NWD2: variants seen among roughly 807,000 people sequenced by gnomAD.
The protein encoded by NWD2 is NACHT and WD repeat domain-containing protein 2.
In NWD2, 37 loss-of-function variants were observed where a neutral mutation model predicts 132.7. The ratio of observed to expected loss-of-function variants is 0.28; its 90% CI spans 0.21 to 0.37. NWD2 has a LOEUF of 0.37. Among genes scored for constraint, NWD2 ranks in the 10% least tolerant of loss-of-function variants. NWD2 has a pLI of 1.00. For missense variants in NWD2, 1,592 were observed against 2,122.4 expected (o/e 0.75, Z 4.91); for synonymous variants, 705 against 803.0 (o/e 0.88, Z 2.06).
chr4:37,403,070 A>T (rs977213015), intron 3 of NWD2, among the ~76,000 whole-genome samples: 5 of 152,122 alleles, frequency 3.3e-5, no homozygotes, highest in Non-Finnish European at 7.4e-5. Flanking sequence ...AAAGTCTACT[A>T]GAAGAAAAGG....
At chr4:37,249,681 G>A (rs533842338) in intron 1 of NWD2, among the ~76,000 whole-genome samples, 36 of 152,288 alleles carry the variant, frequency 2.4e-4, no homozygotes, top group South Asian at 1.4e-3. Context: ...AAAGATATCT[G>A]AAGTGGAGAA....
rs184637059 is a variant in NWD2, at chr4:37,438,251, A to G, written c.707-550A>G. On this transcript the variant is annotated intron_variant, in intron 5 of 6. Coordinates refer to ENST00000309447, the MANE Select transcript of NWD2 (RefSeq NM_001144990.2). ...ACTCCAGCCTGGGCGACAGAGCGAG[A>G]CTCCGTCTAAACAAAAAAAAAAAAA... Among the ~76,000 whole-genome samples, 631 of 148,918 alleles carry G rather than the reference A, an allele frequency of 4.2e-3. 6 individuals carry two copies. The highest frequency in any genetic ancestry group is 0.015 in the African/African-American group (595 of 40,516).
chr4:37,247,314 AGAAAGCAAATGCCT>A (rs1036929217), intron 1 of NWD2, among the ~76,000 whole-genome samples: 6 of 152,234 alleles, frequency 3.9e-5, no homozygotes, highest in Non-Finnish European at 8.8e-5. Context: ...GATGCAATTT[AGAAAGCAAATGCCT>A]GTGTTTTGGT....
chr4:37,446,425 C>A lies in NWD2; in HGVS notation c.4437C>A (p.Thr1479=), dbSNP rs1225217110. ...AGAAATTTTGCTGTGAAGATGGGAC[C>A]ACCATCGTGAATTTTAAATTAATCC... is the stretch of plus-strand genomic sequence containing the variant. ...ITKKFCCEDG[T]TIVNFKLIPD... Residue 1479 remains threonine (T), a synonymous_variant, in exon 7 of 7, where the codon ACC becomes ACA. Coordinates refer to ENST00000309447, the MANE Select transcript of NWD2 (RefSeq NM_001144990.2). The surrounding 1 kb of genome is among the most constrained non-coding windows in gnomAD (Gnocchi z 6.7). 1 of 1,551,748 alleles carries A rather than the reference C, an allele frequency of 6.4e-7. No homozygotes were observed. Among genetic ancestry groups the A allele is most frequent in the Admixed American group, 2.0e-5 (1 of 51,002 alleles).
chr4:37,371,930 T>G (rs573375771), intron 3 of NWD2, among the ~76,000 whole-genome samples: 3 of 152,240 alleles, frequency 2.0e-5, no homozygotes, highest in African/African-American at 7.2e-5. Flanking sequence ...ACTCCTAAAG[T>G]GTGAAAAAGG....
chr4:37,408,776 G>C (rs1003894668), intron 3 of NWD2, among the ~76,000 whole-genome samples: 11 of 152,228 alleles, frequency 7.2e-5, no homozygotes, highest in African/African-American at 2.7e-4. Context: ...TCCTACAGGA[G>C]AGCTCTGGCT....
intron 1 of NWD2, among the ~76,000 whole-genome samples, chr4:37,253,638 G>A (rs189816874): frequency 6.6e-6 from 1 of 151,164 alleles, no homozygotes; most frequent in East Asian, 1.9e-4. Context: ...ATAATAGCAG[G>A]AATGATATAC....
chr4:37,313,857 C>A (rs1275016518), intron 1 of NWD2, among the ~76,000 whole-genome samples: 1 of 150,914 alleles, frequency 6.6e-6, no homozygotes, highest in Non-Finnish European at 1.5e-5. Flanking sequence ...TGCCCACACG[C>A]CCTCCTAATT....
chr4:37,320,407 G>T (rs1430572496), intron 1 of NWD2, among the ~76,000 whole-genome samples: 1 of 152,176 alleles, frequency 6.6e-6, no homozygotes, highest in East Asian at 1.9e-4. Flanking sequence ...ATTAGTTTTT[G>T]TTTTCATTTT....
chr4:37,314,276 T>G (rs1382222685), intron 1 of NWD2, among the ~76,000 whole-genome samples: 1 of 152,190 alleles, frequency 6.6e-6, no homozygotes, highest in Non-Finnish European at 1.5e-5. Context: ...TCTTTTGATG[T>G]CTGTCTGGTT....
At chr4:37,377,127 C>T (rs747803902) in intron 3 of NWD2, among the ~76,000 whole-genome samples, 3 of 152,082 alleles carry the variant, frequency 2.0e-5, no homozygotes, top group Non-Finnish European at 4.4e-5. Flanking sequence ...TTCTTTAGGA[C>T]AGACTCAATT....
intron 3 of NWD2, among the ~76,000 whole-genome samples, chr4:37,400,171 C>T (rs1269120457): frequency 6.6e-6 from 1 of 152,210 alleles, no homozygotes; most frequent in East Asian, 1.9e-4. Flanking sequence ...TGCCTTCCCA[C>T]CCATTCTAAT....
rs909608987 is a variant in NWD2 at position 37,269,815 on chromosome 4, A to G, written c.151+24597A>G. On this transcript the variant is annotated intron_variant, in intron 1 of 6. Coordinates refer to ENST00000309447, the MANE Select transcript of NWD2 (RefSeq NM_001144990.2). ...ATTTGCTCTCATGAATTAAGCTGTT[A>G]TGAACATTTTTAGAGAGTCTCTATA... Among the ~76,000 whole-genome samples the G allele has an allele frequency of 1.5e-4, 23 of 151,912 alleles. 1 individual carries two copies. The highest frequency in any genetic ancestry group is 3.4e-3 in the Middle Eastern group (1 of 294).
intron 3 of NWD2, among the ~76,000 whole-genome samples, chr4:37,375,205 G>A (rs1161475910): frequency 6.6e-6 from 1 of 152,096 alleles, no homozygotes; most frequent in Non-Finnish European, 1.5e-5. Context: ...CTCCCAAACC[G>A]ATATAACCAA....
Position 37,337,642 on chromosome 4 carries a change from C to A in NWD2, c.240+11618C>A, listed in dbSNP as rs191543044. On this transcript the variant is annotated intron_variant, in intron 2 of 6. Coordinates refer to ENST00000309447, the MANE Select transcript of NWD2 (RefSeq NM_001144990.2). ...TTCCATCTCTCCTTGTCTCCTTGGG[C>A]AGCACAGGCCCATGCCTGTCCACCT... 7.6e-4 allele frequency among the ~76,000 whole-genome samples: 115 copies of A among 152,310 alleles called. 1 individual carries two copies. Among genetic ancestry groups the A allele is most frequent in the Non-Finnish European group, 1.5e-3 (102 of 68,030 alleles).
chr4:37,247,439 C>T (rs1297399680), intron 1 of NWD2, among the ~76,000 whole-genome samples: 1 of 152,108 alleles, frequency 6.6e-6, no homozygotes, highest in South Asian at 2.1e-4. Flanking sequence ...AGCGGAAATC[C>T]AATTTATGTT....
chr4:37,266,916 C>A (rs1176344129), intron 1 of NWD2, among the ~76,000 whole-genome samples: 1 of 151,844 alleles, frequency 6.6e-6, no homozygotes, highest in African/African-American at 2.4e-5. Context: ...AAAGATATCT[C>A]GAGGCAGCTC....
chr4:37,268,676 C>G (rs1423645956), intron 1 of NWD2, among the ~76,000 whole-genome samples: 1 of 151,572 alleles, frequency 6.6e-6, no homozygotes, highest in Non-Finnish European at 1.5e-5. Flanking sequence ...TTGCTAAGAG[C>G]CTTGAAAAAG....
intron 3 of NWD2, among the ~76,000 whole-genome samples, chr4:37,374,111 G>A (rs1482644824): frequency 1.3e-5 from 2 of 152,218 alleles, no homozygotes; most frequent in East Asian, 1.9e-4. Context: ...TTTGGGTCAG[G>A]GGAGCAGATC....
Sources: gnomAD v4.1 joint callset for allele counts (sites outside exome capture counted in the v4.1 genomes callset) on GRCh38, gnomAD v4.1.1 for gene constraint, Gnocchi (gnomAD v3.1) non-coding constraint, MANE v1.5 for transcripts, NCBI Gene and HGNC (gene_info 2026-07-23, HGNC 2026-07-21) for gene names.